Variants in CBX7 observed in about 807,000 individuals in gnomAD.
CBX7 encodes chromobox protein homolog 7.
Under a neutral mutation model 31.4 loss-of-function variants are expected in CBX7, and 14 were observed. The ratio of observed to expected loss-of-function variants is 0.45; its 90% CI spans 0.29 to 0.70. The LOEUF is 0.70. Ranked by LOEUF, CBX7 falls within the 30% of genes least tolerant of loss-of-function variation. The pLI, the probability that CBX7 is intolerant of heterozygous loss-of-function variation, is 0.11. For synonymous variants in CBX7, 159 were observed against 152.6 expected (o/e 1.04, Z -0.31); for missense variants, 269 against 351.9 (o/e 0.76, Z 1.89).
At chr22:39,145,559 G>A (rs1930618886) in intron 2 of CBX7, among the ~76,000 whole-genome samples, 5 of 151,990 alleles carry the variant, frequency 3.3e-5, no homozygotes, top group Admixed American at 3.3e-4. Flanking sequence ...ACCGCGGCGT[G>A]GACACCGGGG....
At chr22:39,148,391 AG>A (rs1431848406) in intron 2 of CBX7, 1 of 152,260 alleles carries the variant, frequency 6.6e-6, no homozygotes, top group Non-Finnish European at 1.5e-5. Context: ...GAGTCTCCAG[AG>A]GAGGAAAAAT....
In CBX7 at chr22:39,133,730, G is replaced by A. The variant is rs1930129712; in HGVS notation, c.*161C>T. On this transcript the variant is annotated 3_prime_UTR_variant, in exon 6 of 6. Transcript: ENST00000216133. ...GAGGCCTCGTGGTAAACGTCCCTCA[G>A]AGAAAGGGCAGGTGGTGGGAGAGTA... The A allele has an allele frequency of 7.3e-6, 5 of 685,082 alleles. No individual in the cohort carries two copies. In the South Asian group the frequency reaches 1.3e-4, roughly 18 times the overall value. The allele number at this position is 685,082 out of a possible 1,614,324, so 42.4% of individuals were successfully genotyped here. A position where few individuals can be genotyped will look rare whatever the true frequency, so the allele number is the denominator to read the frequency against.
rs115910050 is a variant in CBX7, at chr22:39,137,294, C to T, written c.246+1342G>A. 8.2e-3 allele frequency among the ~76,000 whole-genome samples: 1,066 copies of T among 129,764 alleles called. 10 individuals carry two copies. Among genetic ancestry groups the T allele is most frequent in the African/African-American group, 0.03 (1,024 of 33,714 alleles). The allele number at this position is 129,764 out of a possible 152,430, so 85.1% of individuals were successfully genotyped here. Reference sequence around the variant, plus strand: ...ACTTCCTTTGAACATCATTTTGGTGCTCAAAATGTTTTGGATTCTGGAGCA... The same window carrying T: ...ACTTCCTTTGAACATCATTTTGGTGTTCAAAATGTTTTGGATTCTGGAGCA... On this transcript the variant is annotated intron_variant, in intron 4 of 5. Transcript: ENST00000216133.
At position 39,152,619 on chromosome 22, in the gene CBX7, C is replaced by G. The variant is rs1420123198; in HGVS notation, c.-175G>C. ...CGCGCTCCCTCACGCCGCCGACGTT[C>G]CATTTTTGAACCTGCGCAACGTTTT... On this transcript the variant is annotated 5_prime_UTR_variant, in exon 1 of 6. Transcript: ENST00000216133. This position sits in a 1 kb window ranked among gnomAD's most constrained non-coding sequence, Gnocchi z 4.9. 2 of 152,026 alleles carry G rather than the reference C, an allele frequency of 1.3e-5. No individual in the cohort carries two copies. Among genetic ancestry groups the G allele is most frequent in the Non-Finnish European group, 2.9e-5 (2 of 69,416 alleles). 9.4% of individuals were successfully genotyped at this position (152,026 alleles called of 1,614,324 possible).
At chr22:39,145,540 G>A (rs1283361932) in intron 2 of CBX7, among the ~76,000 whole-genome samples, 12 of 152,092 alleles carry the variant, frequency 7.9e-5, no homozygotes, top group Admixed American at 7.9e-4. Flanking sequence ...CGTTGCCTGG[G>A]CTGCGCGGAC....
At chr22:39,136,925 A>G (rs1344475495) in intron 4 of CBX7, among the ~76,000 whole-genome samples, 4 of 152,110 alleles carry the variant, frequency 2.6e-5, no homozygotes, top group Non-Finnish European at 5.9e-5. Flanking sequence ...AGGGAGGCCC[A>G]CCCCCTCTGG....
intron 3 of CBX7, among the ~76,000 whole-genome samples, chr22:39,140,732 G>T (rs77685566): frequency 3.1e-5 from 3 of 96,128 alleles, no homozygotes; most frequent in South Asian, 2.8e-4. Context: ...GCCTGCTGGT[G>T]GGGGGGGCGG....
At chr22:39,137,065 A>T (rs1288642477) in intron 4 of CBX7, among the ~76,000 whole-genome samples, 1 of 152,174 alleles carries the variant, frequency 6.6e-6, no homozygotes, top group Non-Finnish European at 1.5e-5. Context: ...CATTAAGGAG[A>T]GCGGGTATTC....
intron 4 of CBX7, among the ~76,000 whole-genome samples, chr22:39,137,966 G>A (rs1451569191): frequency 6.6e-6 from 1 of 152,072 alleles, no homozygotes; most frequent in Non-Finnish European, 1.5e-5. Context: ...CGGATCATGA[G>A]GTCAGGAGAT....
At position 39,133,822 on chromosome 22, in the gene CBX7, C is replaced by A; in HGVS notation, c.*69G>T. The A allele has an allele frequency of 7.1e-7, 1 of 1,407,524 alleles. No individual in the cohort carries two copies. Among genetic ancestry groups the A allele is most frequent in the South Asian group, 1.4e-5 (1 of 69,918 alleles). The allele number at this position is 1,407,524 out of a possible 1,614,324, so 87.2% of individuals were successfully genotyped here. A position where few individuals can be genotyped will look rare whatever the true frequency, so the allele number is the denominator to read the frequency against. On this transcript the variant is annotated 3_prime_UTR_variant, in exon 6 of 6. Coordinates refer to ENST00000216133, the MANE Select transcript of CBX7 (RefSeq NM_175709.5). ...TAAAATAATTACCCCGCCCCCAACC[C>A]ATCCCTATCTCTGGAAGTCCCACCC...
chr22:39,143,809 T>G lies in CBX7; in HGVS notation c.114-2373A>C, dbSNP rs920309982. 1.1e-4 allele frequency among the ~76,000 whole-genome samples: 16 copies of G among 152,232 alleles called. No homozygotes were observed. The East Asian group carries it at 2.9e-3, about 27-fold the overall frequency. On this transcript the variant is annotated intron_variant, in intron 2 of 5. Coordinates refer to ENST00000216133, the MANE Select transcript of CBX7 (RefSeq NM_175709.5). ...GTAGCCTGGGAGCAGCAGACTCTATTACACAGCCCAGGCGTGCAGTGGGTT... is the reference window on the plus strand; with the variant it reads ...GTAGCCTGGGAGCAGCAGACTCTATGACACAGCCCAGGCGTGCAGTGGGTT...
chr22:39,150,253 T>C (rs1227564511), intron 1 of CBX7, among the ~76,000 whole-genome samples: 1 of 152,184 alleles, frequency 6.6e-6, no homozygotes, highest in Non-Finnish European at 1.5e-5. Context: ...AAAACATTCC[T>C]CTCTGGGGTA....
Position 39,133,932 on chromosome 22 carries a change from C to T in CBX7, c.715G>A (p.Ala239Thr). Residue 239 changes from alanine to threonine, a missense_variant, in exon 6 of 6, where the codon GCA becomes ACA. Around this residue, in one of 2 missense-constraint regions of CBX7, gnomAD observed 222 missense variants for 240.4 expected, o/e 0.92. Coordinates refer to ENST00000216133, the MANE Select transcript of CBX7 (RefSeq NM_175709.5). ...CGGTCTCGGAAGAAGCCCTCAGCTG[C>T]CTGGGCCTCGCGGAAGGTGACGGTG... ...SITVTFREAQ[A>T]AEGFFRDRSG... 2 of 1,613,676 alleles carry T rather than the reference C, an allele frequency of 1.2e-6. No individual in the cohort carries two copies. The highest frequency in any genetic ancestry group is 1.7e-6 in the Non-Finnish European group (2 of 1,179,776).
intron 1 of CBX7, among the ~76,000 whole-genome samples, chr22:39,150,748 T>G (rs1930821151): frequency 6.6e-6 from 1 of 151,916 alleles, no homozygotes; most frequent in African/African-American, 2.4e-5. Context: ...GCAGCCTGGG[T>G]GACAGAGTGA....
intron 2 of CBX7, among the ~76,000 whole-genome samples, chr22:39,145,443 G>C (rs1178342062): frequency 6.6e-6 from 1 of 152,182 alleles, no homozygotes; most frequent in East Asian, 1.9e-4. Context: ...GGTGCCTGGA[G>C]GAAAGCGGGC....
intron 2 of CBX7, chr22:39,148,060 T>C (rs1330999718): frequency 6.6e-6 from 1 of 152,218 alleles, no homozygotes; most frequent in Admixed American, 6.5e-5. Flanking sequence ...GACCCAGCCA[T>C]GGTGGGGCCC....
intron 2 of CBX7, among the ~76,000 whole-genome samples, chr22:39,145,432 G>C (rs1930612711): frequency 6.6e-6 from 1 of 152,122 alleles, no homozygotes; most frequent in Non-Finnish European, 1.5e-5. Flanking sequence ...GGAGACCCTC[G>C]GGTGCCTGGA....
At position 39,130,812 on chromosome 22, in the gene CBX7, T is replaced by A. The variant is rs1458355727; in HGVS notation, c.*3079A>T. On this transcript the variant is annotated 3_prime_UTR_variant, in exon 6 of 6. Transcript: ENST00000216133. ...ATCATCTTTAATGTATTTTTAATAA[T>A]TTTTTTGCCTCATTTACCAGATAAA... The A allele has an allele frequency of 1.3e-5, 2 of 152,558 alleles. No homozygotes were observed. The highest frequency in any genetic ancestry group is 4.8e-5 in the African/African-American group (2 of 41,436). 9.5% of individuals were successfully genotyped at this position (152,558 alleles called of 1,614,324 possible).
chr22:39,145,818 A>T (rs911928998), intron 2 of CBX7, among the ~76,000 whole-genome samples: 1 of 151,290 alleles, frequency 6.6e-6, no homozygotes, highest in Non-Finnish European at 1.5e-5. Flanking sequence ...CGGGTAAACA[A>T]GCCCCGGCCG....
Sources: allele counts gnomAD v4.1 joint callset (sites outside exome capture counted in the v4.1 genomes callset), GRCh38; gene constraint gnomAD v4.1.1; regional missense constraint gnomAD v4.1.1; non-coding constraint Gnocchi (gnomAD v3.1); transcripts MANE v1.5; gene names NCBI Gene and HGNC (gene_info 2026-07-23, HGNC 2026-07-21).